Variants in COL17A1 observed in about 807,000 individuals in gnomAD.
COL17A1 encodes the protein collagen alpha-1(XVII) chain.
In COL17A1, 181 loss-of-function variants were observed where a neutral mutation model predicts 218.4. The observed-to-expected ratio is 0.83, with a 90% confidence interval of 0.73 to 0.94. COL17A1 has a LOEUF of 0.94. Among genes scored for constraint, COL17A1 ranks in the 40% least tolerant of loss-of-function variants. The pLI is 0.00. For missense variants in COL17A1, 1,924 were observed against 1,945.9 expected (o/e 0.99, Z 0.21); for synonymous variants, 721 against 731.0 (o/e 0.99, Z 0.22).
chr10:104,045,542 T>A (rs2086400087), intron 33 of COL17A1, among the ~76,000 whole-genome samples: 1 of 151,884 alleles, frequency 6.6e-6, no homozygotes. Flanking sequence ...AGGCTCAGGT[T>A]TGTGGGGTGG....
intron 1 of COL17A1, among the ~76,000 whole-genome samples, chr10:104,085,494 C>G (rs187349754): frequency 1.3e-5 from 2 of 152,316 alleles, no homozygotes; most frequent in Admixed American, 1.3e-4. Flanking sequence ...ATATTTTAAC[C>G]AGCCTTCAGC....
In COL17A1 at chr10:104,055,993, C is replaced by T; in HGVS notation, c.1476G>A (p.Val492=). 6.2e-7 allele frequency: 1 copy of T among 1,614,224 alleles called. No homozygotes were observed. ...LFGLIALAEE[V]RKLKARVDEL... ...CATCCACACGCGCCTTCAGCTTCCTCACCTCCTCCGCTGCAACAAACAGAC... is the reference window on the plus strand; with the variant it reads ...CATCCACACGCGCCTTCAGCTTCCTTACCTCCTCCGCTGCAACAAACAGAC... Residue 492 remains valine, a synonymous_variant, in exon 18 of 56, where the codon GTG becomes GTA. Coordinates refer to ENST00000648076, the MANE Select transcript of COL17A1 (RefSeq NM_000494.4).
chr10:104,043,940 A>T (rs2086385662), intron 33 of COL17A1, 80 bp from the exon 34 acceptor site: 2 of 1,517,982 alleles, frequency 1.3e-6, no homozygotes, highest in Non-Finnish European at 1.8e-6. Flanking sequence ...AAGGCTTCTG[A>T]TTGCATTTGG....
In COL17A1 at chr10:104,053,116, G is replaced by C; in HGVS notation, c.1854C>G (p.Gly618=). 6.2e-7 allele frequency: 1 copy of C among 1,613,452 alleles called. No individual in the cohort carries two copies. The highest frequency in any genetic ancestry group is 8.5e-7 in the Non-Finnish European group (1 of 1,180,024). The change falls in exon 23 of 56, where the codon GGC becomes GGG. Residue 618 remains glycine (G), a synonymous_variant. Coordinates refer to ENST00000648076, the MANE Select transcript of COL17A1 (RefSeq NM_000494.4). The part of the protein sequence containing the change: ...KGSVGDPGME[G]PMGQRGREGP... Reference sequence around the variant, plus strand: ...CTTCTCGCCCTCTCTGGCCCATGGGGCCTTCCATGCCAGGATCTCCTAAAG... The same window carrying C: ...CTTCTCGCCCTCTCTGGCCCATGGGCCCTTCCATGCCAGGATCTCCTAAAG...
At chr10:104,042,944 T>A (rs1458933118) in intron 35 of COL17A1, among the ~76,000 whole-genome samples, 1 of 152,266 alleles carries the variant, frequency 6.6e-6, no homozygotes, top group Non-Finnish European at 1.5e-5. Flanking sequence ...CTTGTATTAA[T>A]ACAGTTGAAA....
chr10:104,058,134 G>A lies in COL17A1; in HGVS notation c.1267+12C>T. The stretch of plus-strand genomic sequence containing the variant: ...GGATCCTGTCACTGCAGGGTTCGCG[G>A]TTCTCACCCACCTGCAGTGGTGGTC... On this transcript the variant is annotated intron_variant, in intron 16 of 55. Coordinates refer to ENST00000648076, the MANE Select transcript of COL17A1 (RefSeq NM_000494.4). 6.2e-7 allele frequency: 1 copy of A among 1,614,174 alleles called. No homozygotes were observed. Among genetic ancestry groups the A allele is most frequent in the Non-Finnish European group, 8.5e-7 (1 of 1,180,038 alleles).
rs1468188619 is a variant in COL17A1 at position 104,037,041 on chromosome 10, TCA to T, written c.3277+2_3277+3del. On this transcript the variant is annotated splice_donor_variant and splice_donor_region_variant and intron_variant, in intron 47 of 55. Coordinates refer to ENST00000648076, the MANE Select transcript of COL17A1 (RefSeq NM_000494.4). LOFTEE classifies it high-confidence loss of function. Reference sequence around the variant, plus strand: ...CACCCTCGATCCCCCCACAGGTGACTCACGCTGCAGCACAGCCAGAATGTCTT... The same window carrying T: ...CACCCTCGATCCCCCCACAGGTGACTCGCTGCAGCACAGCCAGAATGTCTT... The T allele has an allele frequency of 1.9e-6, 3 of 1,603,220 alleles. No homozygotes were observed. The highest frequency in any genetic ancestry group is 2.2e-4 in the Middle Eastern group (1 of 4,616).
chr10:104,074,779 G>A (rs1489478605), intron 5 of COL17A1, among the ~76,000 whole-genome samples: 2 of 152,246 alleles, frequency 1.3e-5, no homozygotes, highest in Admixed American at 6.5e-5. Context: ...GGAGTCTGCT[G>A]TGCGTGTGGG....
intron 22 of COL17A1, 92 bp downstream of exon 22, chr10:104,053,828 C>G: frequency 1.3e-6 from 1 of 784,576 alleles, no homozygotes; most frequent in East Asian, 2.7e-5. Context: ...GAGCCTAAAA[C>G]AAGGCCTCAC....
intron 11 of COL17A1, among the ~76,000 whole-genome samples, chr10:104,062,832 T>A (rs2086595037): frequency 6.6e-6 from 1 of 152,180 alleles, no homozygotes; most frequent in Non-Finnish European, 1.5e-5. Context: ...TTTCGAAGGC[T>A]CCTTGTTTAT....
chr10:104,054,055 A>C (rs772515981), intron 21 of COL17A1, 37 bp downstream of exon 21: 1 of 1,613,800 alleles, frequency 6.2e-7, no homozygotes, highest in Non-Finnish European at 8.5e-7. Flanking sequence ...AGCAGCTGCA[A>C]CACTGGCAGG....
intron 29 of COL17A1, 54 bp downstream of exon 29, chr10:104,049,355 G>C (rs904209330): frequency 1.0e-5 from 16 of 1,536,652 alleles, no homozygotes; most frequent in Non-Finnish European, 1.4e-5. Context: ...CTCCAGGGTC[G>C]TGGTGACCCC....
intron 39 of COL17A1, 122 bp downstream of exon 39, chr10:104,040,943 C>T (rs376762674): frequency 9.4e-7 from 1 of 1,066,968 alleles, no homozygotes; most frequent in East Asian, 2.4e-5. Context: ...TAAACATATC[C>T]CCATGGAAGT....
intron 36 of COL17A1, 88 bp downstream of exon 36, chr10:104,042,332 T>G (rs2086368246): frequency 1.4e-6 from 2 of 1,417,282 alleles, no homozygotes; most frequent in South Asian, 2.3e-5. Context: ...TTTCACGTCA[T>G]CTAGAACAGA....
intron 17 of COL17A1, 105 bp downstream of exon 17, chr10:104,056,870 G>T: frequency 3.2e-6 from 5 of 1,539,296 alleles, no homozygotes; most frequent in Non-Finnish European, 4.4e-6. Context: ...AGGTCCCCTC[G>T]CCCCCTAACA....
At position 104,032,774 on chromosome 10, in the gene COL17A1, G is replaced by C. The variant is rs367977777; in HGVS notation, c.4358-20C>G. On this transcript the variant is annotated intron_variant, in intron 54 of 55. Transcript: ENST00000648076. ...TGTCACCTGGAAGGAAAAATGGGGC[G>C]TAACTAAGTAATACATGAGTCTGGG... 5.0e-4 allele frequency: 807 copies of C among 1,613,228 alleles called. No homozygotes were observed. The highest frequency in any genetic ancestry group is 6.5e-4 in the Non-Finnish European group (763 of 1,179,294).
rs1039494312 is a variant in COL17A1, at chr10:104,040,374, G to T, written c.2738C>A (p.Pro913His). 2.6e-5 allele frequency: 42 copies of T among 1,610,722 alleles called. No individual in the cohort carries two copies. The highest frequency in any genetic ancestry group is 3.4e-5 in the Non-Finnish European group (40 of 1,177,118). ...FLSGPPGPPG[P>H]PGPKGDQGPP... ...ACCTTGGTCTCCCTTGGGACCTGGG[G>T]GGCCAGGTGGGCCTGGGGGGCCGGA... The change falls in exon 40 of 56, where the codon CCC becomes CAC. Residue 913 changes from proline to histidine, a missense_variant. Transcript: ENST00000648076.
rs760697124 is a variant in COL17A1 at position 104,053,030 on chromosome 10, C to T, written c.1939+1G>A. The T allele has an allele frequency of 3.7e-6, 6 of 1,614,020 alleles. No homozygotes were observed. Among genetic ancestry groups the T allele is most frequent in the African/African-American group, 1.3e-5 (1 of 74,922 alleles). ...CTGCCGGTGAAGGAATTGCCTCTTA[C>T]CTCTTTCCCCTTTCTCTCCAGATCC... is the stretch of plus-strand genomic sequence containing the variant. On this transcript the variant is annotated splice_donor_variant, in intron 23 of 55. Coordinates refer to ENST00000648076, the MANE Select transcript of COL17A1 (RefSeq NM_000494.4). LOFTEE classifies it high-confidence loss of function.
In COL17A1 at chr10:104,060,281, C is replaced by T; in HGVS notation, c.980-1G>A. ...TCGCTCTGCACACTTGTGGTGCAGGCTGGGGAGAAAGAAAATGGGTAAGAA... is the reference window on the plus strand; with the variant it reads ...TCGCTCTGCACACTTGTGGTGCAGGTTGGGGAGAAAGAAAATGGGTAAGAA... On this transcript the variant is annotated splice_acceptor_variant, in intron 13 of 55. Transcript: ENST00000648076. LOFTEE classifies it high-confidence loss of function. The T allele has an allele frequency of 1.2e-6, 2 of 1,613,780 alleles. No homozygotes were observed. Among genetic ancestry groups the T allele is most frequent in the Non-Finnish European group, 1.7e-6 (2 of 1,179,974 alleles).
Sources: gnomAD v4.1 joint callset for allele counts (sites outside exome capture counted in the v4.1 genomes callset) on GRCh38, gnomAD v4.1.1 for gene constraint, MANE v1.5 for transcripts, NCBI Gene and HGNC (gene_info 2026-07-23, HGNC 2026-07-21) for gene names.